The following GRM8 variants were observed in gnomAD, a reference collection of about 807,000 sequenced individuals.
GRM8 encodes the protein glutamate metabotropic receptor 8.
A neutral mutation model predicts 87.2 loss-of-function variants in GRM8; 47 were observed. That is an observed-to-expected ratio of 0.54 (90% CI 0.43 to 0.69). The LOEUF is 0.69. Among genes scored for constraint, GRM8 ranks in the 30% least tolerant of loss-of-function variants. The pLI, the probability that GRM8 is intolerant of heterozygous loss-of-function variation, is 0.00. For synonymous variants in GRM8, 396 were observed against 404.5 expected (o/e 0.98, Z 0.25); for missense variants, 1,019 against 1,139.2 (o/e 0.89, Z 1.52).
At chr7:126,535,383 C>A (rs1050186458) in intron 8 of GRM8, among the ~76,000 whole-genome samples, 11 of 152,148 alleles carry the variant, frequency 7.2e-5, no homozygotes, top group African/African-American at 2.2e-4. Context: ...CAAAGTGGGA[C>A]CAAGCCTGCC....
chr7:127,036,949 C>A (rs1364081739), intron 3 of GRM8, among the ~76,000 whole-genome samples: 1 of 151,842 alleles, frequency 6.6e-6, no homozygotes, highest in African/African-American at 2.4e-5. Context: ...ATTTAATGAC[C>A]CACATTTACC....
chr7:127,229,037 T>A (rs970832848), intron 2 of GRM8: 7 of 152,242 alleles, frequency 4.6e-5, no homozygotes, highest in African/African-American at 1.4e-4. Flanking sequence ...AGATCAGTGA[T>A]TTAATATCTG....
chr7:126,761,921 C>A (rs1817621685), intron 7 of GRM8, among the ~76,000 whole-genome samples: 1 of 152,200 alleles, frequency 6.6e-6, no homozygotes, highest in Non-Finnish European at 1.5e-5. Context: ...AATCTTTAAG[C>A]TTCCCTTATG....
At chr7:126,785,411 A>C (rs1334175682) in intron 6 of GRM8, among the ~76,000 whole-genome samples, 1 of 152,058 alleles carries the variant, frequency 6.6e-6, no homozygotes, top group East Asian at 1.9e-4. Context: ...AGACACCATT[A>C]GTTGTACTTC....
At chr7:127,038,800 C>G (rs1422080712) in intron 3 of GRM8, among the ~76,000 whole-genome samples, 1 of 152,146 alleles carries the variant, frequency 6.6e-6, no homozygotes, top group African/African-American at 2.4e-5. Flanking sequence ...TGGTTTGAAC[C>G]TAATAGAACA....
intron 9 of GRM8, among the ~76,000 whole-genome samples, chr7:126,476,096 TAAAC>T (rs1053915050): frequency 2.6e-5 from 4 of 151,924 alleles, no homozygotes; most frequent in Non-Finnish European, 5.9e-5. Flanking sequence ...AAAATAAAAA[TAAAC>T]AAACGGGACT....
chr7:126,493,344 A>G (rs896107221), intron 9 of GRM8, among the ~76,000 whole-genome samples: 3 of 152,052 alleles, frequency 2.0e-5, no homozygotes, highest in African/African-American at 7.2e-5. Flanking sequence ...GGGCAGAGTT[A>G]GAGCGAAGAA....
chr7:126,924,197 G>C (rs1449653505), intron 3 of GRM8, among the ~76,000 whole-genome samples: 3 of 152,144 alleles, frequency 2.0e-5, no homozygotes, highest in African/African-American at 7.2e-5. Flanking sequence ...GCCTGGCAAG[G>C]GGACTGTATC....
chr7:126,911,377 G>C (rs1205553632), intron 3 of GRM8, among the ~76,000 whole-genome samples: 1 of 151,160 alleles, frequency 6.6e-6, no homozygotes, highest in Non-Finnish European at 1.5e-5. Flanking sequence ...CTTTCAAATG[G>C]ATTCCATAAG....
At chr7:127,186,102 G>T (rs1794722469) in intron 2 of GRM8, among the ~76,000 whole-genome samples, 1 of 152,158 alleles carries the variant, frequency 6.6e-6, no homozygotes, top group African/African-American at 2.4e-5. Context: ...AGGTGATGTG[G>T]AGAACAGAGA....
At chr7:127,094,875 T>C (rs1053546793) in intron 3 of GRM8, among the ~76,000 whole-genome samples, 2 of 152,214 alleles carry the variant, frequency 1.3e-5, no homozygotes, top group Non-Finnish European at 2.9e-5. Context: ...AACTATCACT[T>C]GAGGCTAAAT....
chr7:126,533,230 G>A lies in GRM8; in HGVS notation c.2152C>T (p.Pro718Ser), dbSNP rs770527898. Reference sequence around the variant, plus strand: ...CCATAGTCAATGATGATGTGGGGGGGATCCACAACAAACCAGACAAACACT... The same window carrying A: ...CCATAGTCAATGATGATGTGGGGGGAATCCACAACAAACCAGACAAACACT... Reference protein sequence around the residue: ...LGVFVWFVVDPPHIIIDYGEQ... With the variant: ...LGVFVWFVVDSPHIIIDYGEQ... Residue 718 changes from proline to serine, a missense_variant, in exon 9 of 11, where the codon CCC becomes TCC. Transcript: ENST00000339582. 3.1e-6 allele frequency: 5 copies of A among 1,613,108 alleles called. No individual in the cohort carries two copies. Among genetic ancestry groups the A allele is most frequent in the South Asian group, 2.2e-5 (2 of 91,022 alleles).
At chr7:126,865,027 C>G (rs1260971665) in intron 6 of GRM8, among the ~76,000 whole-genome samples, 3 of 152,186 alleles carry the variant, frequency 2.0e-5, no homozygotes, top group Non-Finnish European at 2.9e-5. Context: ...TTTCAGCTTC[C>G]TAAGGCTGTG....
chr7:127,099,487 G>T, intron 3 of GRM8, among the ~76,000 whole-genome samples: 1 of 152,144 alleles, frequency 6.6e-6, no homozygotes, highest in East Asian at 1.9e-4. Context: ...CCTACTGGGA[G>T]CTCTACCTAG....
intron 7 of GRM8, among the ~76,000 whole-genome samples, chr7:126,619,847 T>C (rs1297838727): frequency 6.6e-6 from 1 of 152,222 alleles, no homozygotes; most frequent in Non-Finnish European, 1.5e-5. Flanking sequence ...TGTGCCACCA[T>C]GCCCAGCTAA....
At chr7:126,615,609 A>T (rs1452618363) in intron 7 of GRM8, among the ~76,000 whole-genome samples, 14 of 152,164 alleles carry the variant, frequency 9.2e-5, no homozygotes, top group African/African-American at 3.4e-4. Flanking sequence ...GACTGATCAG[A>T]GTGCTGTATT....
chr7:127,030,459 A>C (rs982647112), intron 3 of GRM8, among the ~76,000 whole-genome samples: 1 of 152,110 alleles, frequency 6.6e-6, no homozygotes, highest in African/African-American at 2.4e-5. Flanking sequence ...TCTGGTCCTC[A>C]ACTTTGAGCC....
At chr7:126,985,464 C>T (rs189172538) in intron 3 of GRM8, among the ~76,000 whole-genome samples, 94 of 152,272 alleles carry the variant, frequency 6.2e-4, no homozygotes, top group African/African-American at 2.2e-3. Flanking sequence ...AGCAAAATTA[C>T]AATTTGAGTT....
intron 1 of GRM8, among the ~76,000 whole-genome samples, chr7:127,244,546 T>A (rs1798486833): frequency 6.6e-6 from 1 of 152,182 alleles, no homozygotes; most frequent in Non-Finnish European, 1.5e-5. Context: ...ATTAAGAGAA[T>A]AAACAGCACC....
Sources: allele counts gnomAD v4.1 joint callset (sites outside exome capture counted in the v4.1 genomes callset), GRCh38; gene constraint gnomAD v4.1.1; transcripts MANE v1.5; gene names NCBI Gene and HGNC (gene_info 2026-07-23, HGNC 2026-07-21).